The following SORBS3 variants were observed in gnomAD, a reference collection of about 807,000 sequenced individuals.
The protein encoded by SORBS3 is vinexin.
Under a neutral mutation model 98.0 loss-of-function variants are expected in SORBS3, and 69 were observed. The observed-to-expected ratio is 0.70, with a 90% confidence interval of 0.58 to 0.86. The LOEUF is 0.86. Ranked by LOEUF, SORBS3 falls within the 40% of genes least tolerant of loss-of-function variation. The probability of loss-of-function intolerance (pLI) is 0.00; values close to 1 mark genes in which losing one functional copy is unlikely to be tolerated. For synonymous variants in SORBS3, 394 were observed against 355.4 expected (o/e 1.11, Z -1.22); for missense variants, 954 against 908.5 (o/e 1.05, Z -0.64).
In SORBS3 at chr8:22,571,355, T is replaced by C. The variant is rs1298383825; in HGVS notation, c.1743+134T>C. 4.8e-6 allele frequency: 3 copies of C among 621,730 alleles called. No individual in the cohort carries two copies. In the Admixed American group the frequency reaches 8.9e-5, roughly 18 times the overall value. 38.5% of individuals were successfully genotyped at this position (621,730 alleles called of 1,614,324 possible). A position where few individuals can be genotyped will look rare whatever the true frequency, so the allele number is the denominator to read the frequency against. On this transcript the variant is annotated intron_variant, in intron 18 of 20. Coordinates refer to ENST00000240123, the MANE Select transcript of SORBS3 (RefSeq NM_005775.5). The stretch of plus-strand genomic sequence containing the variant: ...AGGAGTGGGGTGACAGGGCAGAAGC[T>C]AGTATGGCAGCCCCACCCTGGCCTG...
chr8:22,547,584 G>A (rs1840029359), upstream of SORBS3, among the ~76,000 whole-genome samples: 2 of 152,212 alleles, frequency 1.3e-5, no homozygotes. Context: ...AGCTGGGAAA[G>A]AAGGCTGATG....
chr8:22,548,829 A>G (rs1840043202), upstream of SORBS3, among the ~76,000 whole-genome samples: 2 of 151,650 alleles, frequency 1.3e-5, no homozygotes, highest in Non-Finnish European at 2.9e-5. Flanking sequence ...CACCCCGCTC[A>G]CCCCGCCTTC....
chr8:22,574,555 C>A, intron 20 of SORBS3, 112 bp from the exon 21 acceptor site: 1 of 1,051,060 alleles, frequency 9.5e-7, no homozygotes. Flanking sequence ...CTGGGCTCCC[C>A]TACAGAACTC....
chr8:22,546,768 T>C (rs1181176510), intron 1 of SORBS3, among the ~76,000 whole-genome samples: 1 of 152,056 alleles, frequency 6.6e-6, no homozygotes, highest in Admixed American at 6.5e-5. Context: ...GAATGTGGAG[T>C]TGGCCTACCA....
chr8:22,550,748 C>G (rs1207743340), upstream of SORBS3, among the ~76,000 whole-genome samples: 2 of 152,208 alleles, frequency 1.3e-5, no homozygotes, highest in Non-Finnish European at 2.9e-5. Flanking sequence ...CAGTCTGACA[C>G]CCAGTAGGAA....
Position 22,564,460 on chromosome 8 carries a change from C to T in SORBS3, c.763-8C>T, listed in dbSNP as rs1299392473. Reference sequence around the variant, plus strand: ...CACCTGCTCTGACACACCCTTTCTACCCTTCAGCCCAAGAAACCGCTGGTG... The same window carrying T: ...CACCTGCTCTGACACACCCTTTCTATCCTTCAGCCCAAGAAACCGCTGGTG... On this transcript the variant is annotated splice_region_variant and splice_polypyrimidine_tract_variant and intron_variant, in intron 9 of 20. Transcript: ENST00000240123. The T allele has an allele frequency of 4.3e-6, 7 of 1,614,024 alleles. No individual in the cohort carries two copies. The highest frequency in any genetic ancestry group is 1.7e-5 in the Admixed American group (1 of 60,000).
intron 7 of SORBS3, 75 bp downstream of exon 7, chr8:22,562,006 C>A: frequency 7.1e-7 from 1 of 1,414,008 alleles, no homozygotes; most frequent in Non-Finnish European, 1.0e-6. Flanking sequence ...GGCGCCCCCT[C>A]GTGACCACAG....
chr8:22,572,373 C>T lies in SORBS3; in HGVS notation c.1881C>T (p.Asn627=), dbSNP rs200907332. The stretch of plus-strand genomic sequence containing the variant: ...CGATGTACCAGTACAGGCCCCAGAA[C>T]GAAGACGAGCTGGAGCTGCGCGAGG... ...YRAMYQYRPQ[N]EDELELREGD... The change falls in exon 20 of 21, where the codon AAC becomes AAT. Residue 627 remains asparagine (N), a synonymous_variant. Transcript: ENST00000240123. 191 of 1,614,080 alleles carry T rather than the reference C, an allele frequency of 1.2e-4. No individual in the cohort carries two copies. Among genetic ancestry groups the T allele is most frequent in the Non-Finnish European group, 1.4e-4 (171 of 1,179,978 alleles).
chr8:22,570,772 G>A (rs984763648), intron 17 of SORBS3, 138 bp from the exon 18 acceptor site: 5 of 720,880 alleles, frequency 6.9e-6, no homozygotes, highest in South Asian at 4.0e-5. Flanking sequence ...CGTGTGACTC[G>A]GGTAAACTGC....
At chr8:22,559,688 G>A (rs1164280433) in intron 5 of SORBS3, among the ~76,000 whole-genome samples, 3 of 150,604 alleles carry the variant, frequency 2.0e-5, no homozygotes, top group Admixed American at 2.0e-4. Flanking sequence ...GGGCAATAGA[G>A]CAAGACGCTG....
chr8:22,564,369 G>A lies in SORBS3; in HGVS notation c.762G>A (p.Arg254=), dbSNP rs199921518. ...QFLQELETGQ[R]PKKPLVDDPG... ...TGCAGGAACTAGAGACTGGGCAGAG[G>A]GTGAGTGCTGGCTGGCTCTCGGGGT... The change falls in exon 9 of 21, where the codon AGG becomes AGA. Residue 254 remains arginine (R), a splice_region_variant and synonymous_variant. Coordinates refer to ENST00000240123, the MANE Select transcript of SORBS3 (RefSeq NM_005775.5). The A allele has an allele frequency of 1.1e-5, 18 of 1,614,070 alleles. No individual in the cohort carries two copies. The highest frequency in any genetic ancestry group is 1.5e-5 in the Non-Finnish European group (18 of 1,179,942).
intron 3 of SORBS3, among the ~76,000 whole-genome samples, chr8:22,555,589 A>C (rs1014296506): frequency 7.9e-5 from 12 of 152,170 alleles, no homozygotes; most frequent in African/African-American, 2.7e-4. Context: ...AGACCCTGTC[A>C]CTTAAAACAC....
At chr8:22,548,245 C>T (rs191440098), upstream of SORBS3, among the ~76,000 whole-genome samples, 4 of 152,322 alleles carry the variant, frequency 2.6e-5, no homozygotes, top group Admixed American at 1.3e-4. Flanking sequence ...TCTGCCTGCT[C>T]CTGTTCCCAT....
chr8:22,573,853 C>A (rs73549903), intron 20 of SORBS3, among the ~76,000 whole-genome samples: 2,781 of 152,296 alleles, frequency 0.018, 92 homozygotes, highest in African/African-American at 0.063. Context: ...CTATATTTCT[C>A]CATTCCCTCT....
upstream of SORBS3, chr8:22,551,822 G>C: frequency 2.0e-6 from 2 of 985,452 alleles, no homozygotes; most frequent in Non-Finnish European, 2.4e-6. The surrounding 1 kb of genome is among the most constrained non-coding windows in gnomAD (Gnocchi z 5.8). Flanking sequence ...TCCGGCCTCC[G>C]GCGCGCGCCC....
In SORBS3 at chr8:22,572,562, C is replaced by A. The variant is rs189597165; in HGVS notation, c.1954+116C>A. 882 of 836,526 alleles carry A rather than the reference C, an allele frequency of 1.1e-3. 8 individuals carry two copies. In the African/African-American group the frequency reaches 0.013, roughly 13 times the overall value. 51.8% of individuals were successfully genotyped at this position (836,526 alleles called of 1,614,324 possible). A position where few individuals can be genotyped will look rare whatever the true frequency, so the allele number is the denominator to read the frequency against. ...CATGGCCGACCACCCCCCGACTCAG[C>A]TTCCGGCCGGGCTACTGGGGGGGCC... is the stretch of plus-strand genomic sequence containing the variant. On this transcript the variant is annotated intron_variant, in intron 20 of 20. Coordinates refer to ENST00000240123, the MANE Select transcript of SORBS3 (RefSeq NM_005775.5).
chr8:22,573,573 A>G (rs1840645900), intron 20 of SORBS3, among the ~76,000 whole-genome samples: 1 of 151,702 alleles, frequency 6.6e-6, no homozygotes, highest in South Asian at 2.1e-4. Flanking sequence ...CAGGTCAGGG[A>G]AGGCTTCCTG....
chr8:22,567,758 A>C (rs1468123112), intron 16 of SORBS3, among the ~76,000 whole-genome samples: 1 of 152,182 alleles, frequency 6.6e-6, no homozygotes, highest in African/African-American at 2.4e-5. Flanking sequence ...AAATATGTCA[A>C]GTTATCCAAA....
chr8:22,567,436 A>C (rs1000224455), intron 16 of SORBS3, among the ~76,000 whole-genome samples: 1 of 152,246 alleles, frequency 6.6e-6, no homozygotes, highest in Non-Finnish European at 1.5e-5. Context: ...GACTTTCACC[A>C]TTCAGATCCG....
Sources: gnomAD v4.1 joint callset for allele counts (sites outside exome capture counted in the v4.1 genomes callset) on GRCh38, gnomAD v4.1.1 for gene constraint, Gnocchi (gnomAD v3.1) non-coding constraint, MANE v1.5 for transcripts, NCBI Gene and HGNC (gene_info 2026-07-23, HGNC 2026-07-21) for gene names.